Variants in CDKL3 observed in about 807,000 individuals in gnomAD.
CDKL3 encodes cyclin dependent kinase like 3.
A neutral mutation model predicts 69.3 loss-of-function variants in CDKL3; 65 were observed. The ratio of observed to expected loss-of-function variants is 0.94; its 90% confidence interval spans 0.77 to 1.15. CDKL3 has a LOEUF of 1.15. Among genes scored for constraint, CDKL3 ranks in the 50% most tolerant of loss-of-function variants. The pLI, the probability that CDKL3 is intolerant of heterozygous loss-of-function variation, is 0.00. For missense variants in CDKL3, 652 were observed against 689.2 expected, an observed-to-expected ratio of 0.95 and a Z score of 0.61; for synonymous variants, 202 against 221.6, an observed-to-expected ratio of 0.91 and a Z score of 0.79.
chr5:134,287,059 G>A (rs1306418619), intron 8 of CDKL3, among the ~76,000 whole-genome samples: 1 of 152,078 alleles, frequency 6.6e-6, no homozygotes, highest in African/African-American at 2.4e-5. Flanking sequence ...GAGGCCTTAA[G>A]AACTGCCAGG....
At chr5:134,366,909 A>G in intron 1 of CDKL3, 68 bp downstream of exon 1, 1 of 998,748 alleles carries the variant, frequency 1.0e-6, no homozygotes, top group South Asian at 4.3e-5. Context: ...CCCACTTATC[A>G]GGCCCAAGGT....
At position 134,354,960 on chromosome 5, in the gene CDKL3, A is replaced by G. The variant is rs559911442; in HGVS notation, c.361-4533T>C. On this transcript the variant is annotated intron_variant, in intron 3 of 12. Coordinates refer to ENST00000265334, the MANE Select transcript of CDKL3 (RefSeq NM_001113575.2). ...GACTCCGTCTCAAAAAAAAAAAAAT[A>G]GATACCACTTCAGGCTGGGCATGAT... Among the ~76,000 whole-genome samples the G allele has an allele frequency of 2.0e-5, 3 of 150,796 alleles. No individual in the cohort carries two copies. The East Asian group carries it at 5.8e-4, about 29-fold the overall frequency.
chr5:134,371,449 T>C (rs1758394350), upstream of CDKL3: 1 of 1,021,046 alleles, frequency 9.8e-7, no homozygotes. Flanking sequence ...GAGGGAGACG[T>C]CATTGCAGGG....
chr5:134,312,431 T>C, intron 6 of CDKL3, 51 bp from the exon 7 acceptor site: 2 of 921,026 alleles, frequency 2.2e-6, no homozygotes, highest in South Asian at 3.3e-5. Flanking sequence ...GGGCTCCATA[T>C]GGTAAAAATT....
At chr5:134,360,978 G>A (rs1755860375) in intron 2 of CDKL3, among the ~76,000 whole-genome samples, 2 of 152,156 alleles carry the variant, frequency 1.3e-5, no homozygotes, top group South Asian at 4.1e-4. Flanking sequence ...ACATAAATAT[G>A]TAATTATTTG....
chr5:134,354,713 C>T (rs1304420890), intron 3 of CDKL3, among the ~76,000 whole-genome samples: 1 of 152,164 alleles, frequency 6.6e-6, no homozygotes, highest in Non-Finnish European at 1.5e-5. Context: ...CTTGGGAAGG[C>T]TGAGGCAGGT....
intron 6 of CDKL3, 167 bp downstream of exon 6, chr5:134,319,191 C>A: frequency 2.1e-6 from 1 of 466,876 alleles, no homozygotes; most frequent in East Asian, 4.0e-5. Flanking sequence ...ATTAGCCGGG[C>A]ATGGTGGCAG....
chr5:134,370,958 G>C (rs1358167592), upstream of CDKL3: 1 of 157,980 alleles, frequency 6.3e-6, no homozygotes, highest in Non-Finnish European at 1.4e-5. Flanking sequence ...ACTAATAAAG[G>C]TTTATCCCGC....
chr5:134,364,642 G>T (rs952098410), intron 2 of CDKL3, among the ~76,000 whole-genome samples: 2 of 151,670 alleles, frequency 1.3e-5, no homozygotes, highest in African/African-American at 4.8e-5. Context: ...CTCCCGAATA[G>T]CTGGGATTAC....
chr5:134,284,167 C>T (rs1229280787), downstream of CDKL3, among the ~76,000 whole-genome samples: 1 of 152,112 alleles, frequency 6.6e-6, no homozygotes, highest in East Asian at 1.9e-4. Context: ...AGTGGGGGAA[C>T]CAGCCCCCAA....
chr5:134,346,555 G>A (rs376128749), intron 4 of CDKL3, among the ~76,000 whole-genome samples: 22 of 152,226 alleles, frequency 1.4e-4, no homozygotes, highest in African/African-American at 5.1e-4. Flanking sequence ...GAGGTGCTGC[G>A]GTGCGATCTC....
Position 134,319,499 on chromosome 5 carries a change from T to C in CDKL3, c.653-2A>G. On this transcript the variant is annotated splice_acceptor_variant, in intron 5 of 12. Transcript: ENST00000265334. LOFTEE classifies it high-confidence loss of function. ...TCTGCAAGTGAGGTGACAAATTGCC[T>C]GAAAAGAGAAAAAAATGTATATTTA... 2.0e-6 allele frequency: 3 copies of C among 1,518,230 alleles called. No individual in the cohort carries two copies. Among genetic ancestry groups the C allele is most frequent in the Non-Finnish European group, 2.6e-6 (3 of 1,136,532 alleles). The allele number at this position is 1,518,230 out of a possible 1,614,324, so 94.0% of individuals were successfully genotyped here. A position where few individuals can be genotyped will look rare whatever the true frequency, so the allele number is the denominator to read the frequency against.
At chr5:134,302,104 G>A (rs1204167475) in intron 12 of CDKL3, 1 of 455,250 alleles carries the variant, frequency 2.2e-6, no homozygotes, top group Non-Finnish European at 4.4e-6. Flanking sequence ...GAATCTCTCT[G>A]GTGGGTAGGG....
At chr5:134,306,546 G>T in intron 10 of CDKL3, 63 bp downstream of exon 10, 1 of 981,380 alleles carries the variant, frequency 1.0e-6, no homozygotes. Context: ...TAAAGATAGA[G>T]AAAAGGAAAA....
chr5:134,328,846 A>G (rs73289849), intron 4 of CDKL3, among the ~76,000 whole-genome samples: 1,662 of 152,316 alleles, frequency 0.011, 28 homozygotes, highest in African/African-American at 0.036. Flanking sequence ...ATAGTGGTAC[A>G]ACAATTAAAA....
chr5:134,348,898 T>C (rs1752576984), intron 4 of CDKL3, among the ~76,000 whole-genome samples: 2 of 152,164 alleles, frequency 1.3e-5, no homozygotes, highest in Admixed American at 1.3e-4. Context: ...ATTATTTCCA[T>C]TTTATAGATG....
intron 6 of CDKL3, among the ~76,000 whole-genome samples, chr5:134,314,909 TGTG>T: frequency 6.6e-6 from 1 of 152,122 alleles, no homozygotes; most frequent in Non-Finnish European, 1.5e-5. Flanking sequence ...GTATCCTGAT[TGTG>T]GTGGTGGTTT....
intron 4 of CDKL3, among the ~76,000 whole-genome samples, chr5:134,334,730 C>CAATT (rs1377482234): frequency 1.3e-5 from 2 of 152,048 alleles, no homozygotes; most frequent in Admixed American, 1.3e-4. Context: ...GTTTTACTTC[C>CAATT]AATTATGTGG....
At chr5:134,313,167 G>A (rs781109848) in intron 6 of CDKL3, among the ~76,000 whole-genome samples, 27 of 152,194 alleles carry the variant, frequency 1.8e-4, no homozygotes, top group Middle Eastern at 6.8e-3. Flanking sequence ...CGATTCTCCC[G>A]CCTCAGTCTC....
Sources: gnomAD v4.1 joint callset for allele counts (sites outside exome capture counted in the v4.1 genomes callset) on GRCh38, gnomAD v4.1.1 for gene constraint, MANE v1.5 for transcripts, NCBI Gene and HGNC (gene_info 2026-07-23, HGNC 2026-07-21) for gene names.